The following ATRNL1 variants were observed in gnomAD, a reference collection of about 807,000 sequenced individuals.
ATRNL1 encodes the protein attractin-like protein 1.
A neutral mutation model predicts 182.7 loss-of-function variants in ATRNL1; 95 were observed. The ratio of observed to expected loss-of-function variants is 0.52; its 90% CI spans 0.44 to 0.62. ATRNL1 has a LOEUF of 0.62. ATRNL1 is among the 20% of genes least tolerant of loss of function. ATRNL1 has a pLI of 0.00. For synonymous variants in ATRNL1, 576 were observed against 568.3 expected (o/e 1.01, Z -0.19); for missense variants, 1,471 against 1,679.5 (o/e 0.88, Z 2.17).
chr10:115,835,329 C>T (rs1348641553), intron 27 of ATRNL1, among the ~76,000 whole-genome samples: 1 of 152,100 alleles, frequency 6.6e-6, no homozygotes, highest in Non-Finnish European at 1.5e-5. Context: ...CATTTGAATG[C>T]CAACTGTGAA....
intron 28 of ATRNL1, among the ~76,000 whole-genome samples, chr10:115,872,957 A>C (rs1230617882): frequency 6.6e-6 from 1 of 152,268 alleles, no homozygotes; most frequent in Non-Finnish European, 1.5e-5. Flanking sequence ...CTGAAATTCT[A>C]GCTGAACACA....
At chr10:115,696,803 G>A (rs1946573785) in intron 26 of ATRNL1, among the ~76,000 whole-genome samples, 1 of 151,868 alleles carries the variant, frequency 6.6e-6, no homozygotes, top group East Asian at 1.9e-4. Flanking sequence ...TGGCTGAGAG[G>A]CTTCAGGAAA....
intron 26 of ATRNL1, chr10:115,597,453 G>T: frequency 3.0e-6 from 1 of 332,820 alleles, no homozygotes; most frequent in Non-Finnish European, 5.8e-6. Context: ...TTTATCTGTT[G>T]TGTGAATTAA....
intron 21 of ATRNL1, among the ~76,000 whole-genome samples, chr10:115,429,482 A>G (rs1554963523): frequency 1.3e-5 from 2 of 152,150 alleles, no homozygotes; most frequent in African/African-American, 4.8e-5. Flanking sequence ...AATTTATGGA[A>G]TATTCCTTGT....
chr10:115,485,895 C>T (rs1554975029), intron 24 of ATRNL1, among the ~76,000 whole-genome samples: 1 of 149,382 alleles, frequency 6.7e-6, no homozygotes, highest in African/African-American at 2.5e-5. Flanking sequence ...CCTACCACAG[C>T]CCCCCACCCC....
rs147064758 is a variant in ATRNL1 at position 115,866,682 on chromosome 10, T to G, written c.4018+18691T>G. 7.7e-3 allele frequency among the ~76,000 whole-genome samples: 1,176 copies of G among 152,266 alleles called. 14 individuals carry two copies. Among genetic ancestry groups the G allele is most frequent in the Non-Finnish European group, 0.01 (700 of 68,018 alleles). Reference sequence around the variant, plus strand: ...AAGCATTAAATACAGCATAGAAAACTAAGAAGGAAAAATGGCACCAACATG... The same window carrying G: ...AAGCATTAAATACAGCATAGAAAACGAAGAAGGAAAAATGGCACCAACATG... On this transcript the variant is annotated intron_variant, in intron 28 of 28. Transcript: ENST00000355044.
intron 28 of ATRNL1, among the ~76,000 whole-genome samples, chr10:115,856,686 C>G (rs1951197275): frequency 6.6e-6 from 1 of 152,004 alleles, no homozygotes; most frequent in Non-Finnish European, 1.5e-5. Context: ...AGCCTAGATC[C>G]CTCACATGCG....
At chr10:115,124,093 A>G (rs1469797885) in intron 3 of ATRNL1, among the ~76,000 whole-genome samples, 2 of 152,170 alleles carry the variant, frequency 1.3e-5, no homozygotes, top group African/African-American at 2.4e-5. Flanking sequence ...AATCATCCCA[A>G]AATCATCCTC....
intron 26 of ATRNL1, among the ~76,000 whole-genome samples, chr10:115,725,689 G>C (rs1406669761): frequency 5.9e-5 from 9 of 152,032 alleles, no homozygotes; most frequent in African/African-American, 1.9e-4. Flanking sequence ...ATGTTGGTGT[G>C]TGTGTTTTTA....
chr10:115,498,322 C>T (rs1430508586), intron 24 of ATRNL1, among the ~76,000 whole-genome samples: 5 of 152,096 alleles, frequency 3.3e-5, no homozygotes, highest in African/African-American at 4.8e-5. Context: ...TATGGCATTA[C>T]ATGATTTTCA....
intron 28 of ATRNL1, among the ~76,000 whole-genome samples, chr10:115,913,609 C>A (rs1485213667): frequency 6.6e-6 from 1 of 152,252 alleles, no homozygotes; most frequent in Non-Finnish European, 1.5e-5. Context: ...TTTATTACTA[C>A]TACTGCCTCT....
intron 5 of ATRNL1, among the ~76,000 whole-genome samples, chr10:115,135,261 T>C (rs1410734813): frequency 5.3e-5 from 8 of 152,180 alleles, no homozygotes; most frequent in East Asian, 1.9e-4. Flanking sequence ...TGTTTGCAGA[T>C]GACATGATTG....
chr10:115,777,070 A>C (rs1013720355), intron 27 of ATRNL1, among the ~76,000 whole-genome samples: 1 of 152,234 alleles, frequency 6.6e-6, no homozygotes, highest in Non-Finnish European at 1.5e-5. Flanking sequence ...GGATTAATAA[A>C]GGAACAAACT....
intron 17 of ATRNL1, among the ~76,000 whole-genome samples, chr10:115,314,110 A>T (rs1352902508): frequency 6.6e-6 from 1 of 152,162 alleles, no homozygotes; most frequent in African/African-American, 2.4e-5. Context: ...TTAAAGGAAG[A>T]CTGTGTCAAT....
At chr10:115,192,618 T>C (rs1848210571) in intron 8 of ATRNL1, among the ~76,000 whole-genome samples, 1 of 152,152 alleles carries the variant, frequency 6.6e-6, no homozygotes, top group African/African-American at 2.4e-5. Context: ...GATCATTCTT[T>C]CTGTGAAGAA....
At chr10:115,693,934 A>G (rs557341568) in intron 26 of ATRNL1, among the ~76,000 whole-genome samples, 1 of 152,160 alleles carries the variant, frequency 6.6e-6, no homozygotes, top group South Asian at 2.1e-4. Flanking sequence ...TGCTAGGCAT[A>G]AGGGGCCAGA....
At chr10:115,582,164 T>C (rs1351738363) in intron 26 of ATRNL1, among the ~76,000 whole-genome samples, 184 of 152,044 alleles carry the variant, frequency 1.2e-3, no homozygotes, top group African/African-American at 4.3e-3. Context: ...TTTGGGTTGG[T>C]TCCAAGTCTT....
chr10:115,670,882 A>AAATC (rs1945676338), intron 26 of ATRNL1, among the ~76,000 whole-genome samples: 1 of 152,174 alleles, frequency 6.6e-6, no homozygotes, highest in Admixed American at 6.6e-5. Context: ...ATTAGTATAA[A>AAATC]AATCAAATAT....
chr10:115,360,937 T>A (rs993495201), intron 19 of ATRNL1, among the ~76,000 whole-genome samples: 1 of 151,964 alleles, frequency 6.6e-6, no homozygotes, highest in Non-Finnish European at 1.5e-5. Flanking sequence ...GGAATACCTC[T>A]GAAGTTATGT....
Sources: gnomAD v4.1 joint callset for allele counts (sites outside exome capture counted in the v4.1 genomes callset) on GRCh38, gnomAD v4.1.1 for gene constraint, MANE v1.5 for transcripts, NCBI Gene and HGNC (gene_info 2026-07-23, HGNC 2026-07-21) for gene names.